DMD: variants seen among roughly 807,000 people sequenced by gnomAD.
DMD encodes the protein dystrophin, also known as mutant dystrophin.
In DMD, 63 loss-of-function variants were observed where a neutral mutation model predicts 330.1. That is an observed-to-expected ratio of 0.19 (90% CI 0.16 to 0.24). The LOEUF is 0.24. DMD is among the 10% of genes least tolerant of loss of function. The pLI is 1.00. For synonymous variants in DMD, 1,223 were observed against 959.8 expected, an observed-to-expected ratio of 1.27 and a Z score of -5.07; for missense variants, 3,344 against 2,684.1, an observed-to-expected ratio of 1.25 and a Z score of -5.43.
At chrX:31,506,173 A>T (rs1200284335) in intron 56 of DMD, among the ~76,000 whole-genome samples, 1 of 112,021 alleles carries the variant, frequency 8.9e-6, no homozygotes, top group Non-Finnish European at 1.9e-5. Context: ...CTTGATGCAG[A>T]CATTTACAAT....
intron 31 of DMD, 127 bp downstream of exon 31, chrX:32,389,944 G>T: frequency 3.5e-6 from 2 of 577,269 alleles, no homozygotes; most frequent in Non-Finnish European, 5.8e-6. Flanking sequence ...TCATTGTTTA[G>T]ACATCAAATT....
At chrX:32,173,066 GGTGTGTGTGTGTGTGTGTGTGTGTGT>G (rs3040089) in intron 44 of DMD, among the ~76,000 whole-genome samples, 2 of 89,624 alleles carry the variant, frequency 2.2e-5, no homozygotes, top group Admixed American at 2.6e-4. Flanking sequence ...ACCTGATTTT[GGTGTGTGTGTGTGTGTGTGTGTGTGT>G]GTGTGTGTGT....
intron 60 of DMD, among the ~76,000 whole-genome samples, chrX:31,426,908 T>A (rs1465488082): frequency 8.9e-6 from 1 of 112,198 alleles, no homozygotes; most frequent in East Asian, 2.8e-4. Context: ...TCTAAAATAT[T>A]TAACTTTAAA....
At chrX:31,539,718 G>A (rs1288222551) in intron 55 of DMD, among the ~76,000 whole-genome samples, 1 of 111,932 alleles carries the variant, frequency 8.9e-6, no homozygotes, top group Admixed American at 9.5e-5. Flanking sequence ...AGACATATTT[G>A]GCTTGAATCT....
chrX:32,618,203 G>T (rs2057726739), intron 11 of DMD, among the ~76,000 whole-genome samples: 2 of 111,977 alleles, frequency 1.8e-5, no homozygotes, highest in Non-Finnish European at 3.8e-5. Context: ...CTACCAAAAA[G>T]ACACATGCAC....
intron 9 of DMD, among the ~76,000 whole-genome samples, chrX:32,689,254 C>G (rs1388496740): frequency 9.1e-6 from 1 of 109,888 alleles, no homozygotes; most frequent in African/African-American, 3.3e-5. Context: ...CACAATAACG[C>G]TCCTTTAATC....
chrX:31,278,666 C>A (rs773441957), intron 62 of DMD, among the ~76,000 whole-genome samples: 1 of 112,060 alleles, frequency 8.9e-6, no homozygotes, highest in African/African-American at 3.2e-5. Flanking sequence ...CACAACTGCA[C>A]GTTGCCTGTC....
chrX:33,179,842 T>TC (rs1379587455), intron 1 of DMD, among the ~76,000 whole-genome samples: 1 of 109,563 alleles, frequency 9.1e-6, no homozygotes, highest in East Asian at 2.9e-4. Flanking sequence ...AAAGTGCTTT[T>TC]TTTTTTTTTT....
chrX:31,674,669 G>A (rs989713730), intron 53 of DMD, among the ~76,000 whole-genome samples: 7 of 112,031 alleles, frequency 6.2e-5, no homozygotes, highest in African/African-American at 2.3e-4. Flanking sequence ...AAAACTGACA[G>A]GGGAAAAAAT....
chrX:32,911,569 T>C (rs1470522348), intron 2 of DMD, among the ~76,000 whole-genome samples: 1 of 111,743 alleles, frequency 8.9e-6, no homozygotes, highest in Non-Finnish European at 1.9e-5. Flanking sequence ...TTCTAAACAA[T>C]TGTCTGCATT....
intron 49 of DMD, among the ~76,000 whole-genome samples, chrX:31,821,118 A>C (rs1274620137): frequency 8.9e-6 from 1 of 112,029 alleles, no homozygotes. Context: ...TTTCCTTTCT[A>C]TTGCTGGAAG....
At chrX:32,438,136 AAGCTG>A in intron 29 of DMD, 100 bp downstream of exon 29, 1 of 885,528 alleles carries the variant, frequency 1.1e-6, no homozygotes, top group East Asian at 3.3e-5. Flanking sequence ...TGAAACCTGA[AAGCTG>A]AGCTAATATT....
intron 7 of DMD, among the ~76,000 whole-genome samples, chrX:32,711,375 G>C (rs1324705230): frequency 9.0e-6 from 1 of 110,616 alleles, no homozygotes; most frequent in Non-Finnish European, 1.9e-5. Context: ...ATCCTATGGA[G>C]CCTGACTCCT....
chrX:32,730,525 T>C (rs2067452485), intron 7 of DMD, among the ~76,000 whole-genome samples: 1 of 111,934 alleles, frequency 8.9e-6, no homozygotes. Flanking sequence ...AAGAGTGTCT[T>C]CCTAGGCAAT....
intron 4 of DMD, among the ~76,000 whole-genome samples, chrX:32,841,990 C>T (rs2080203433): frequency 8.9e-6 from 1 of 112,211 alleles, no homozygotes; most frequent in South Asian, 3.7e-4. Flanking sequence ...TCCAAGTTAA[C>T]TTTTCTCTTT....
intron 9 of DMD, among the ~76,000 whole-genome samples, chrX:32,683,448 G>A (rs112485758): frequency 0.039 from 4,262 of 109,290 alleles, 244 homozygotes; most frequent in African/African-American, 0.14. Context: ...ATACACCATG[G>A]AATACTATGC....
intron 1 of DMD, among the ~76,000 whole-genome samples, chrX:33,064,188 T>C (rs957298753): frequency 8.9e-6 from 1 of 111,786 alleles, no homozygotes; most frequent in African/African-American, 3.3e-5. Flanking sequence ...ACATTGTCTA[T>C]ATGATTTTAT....
chrX:31,786,331 C>CA (rs1423624876), intron 50 of DMD, among the ~76,000 whole-genome samples: 1 of 111,217 alleles, frequency 9.0e-6, no homozygotes, highest in African/African-American at 3.3e-5. Flanking sequence ...GATTAAACCA[C>CA]ATTTTATTTT....
At position 32,550,905 on chromosome X, in the gene DMD, TA is replaced by T. The variant is rs535535566; in HGVS notation, c.1993-5572del. On this transcript the variant is annotated intron_variant, in intron 16 of 78. Transcript: ENST00000357033. ...AACCTAGAAGCAATGGATAAATTGC[TA>T]GAAACTTACAACTTTCCAAGTTTGA... is the stretch of plus-strand genomic sequence containing the variant. 6.3e-5 allele frequency among the ~76,000 whole-genome samples: 7 copies of T among 111,044 alleles called. No individual in the cohort carries two copies. The South Asian group carries it at 2.7e-3, about 42-fold the overall frequency.
Sources: allele counts gnomAD v4.1 joint callset (sites outside exome capture counted in the v4.1 genomes callset), GRCh38; gene constraint gnomAD v4.1.1; transcripts MANE v1.5; gene names NCBI Gene and HGNC (gene_info 2026-07-23, HGNC 2026-07-21).